The following FGFR3 variants were observed in gnomAD, a reference collection of about 807,000 sequenced individuals.
The protein encoded by FGFR3 is fibroblast growth factor receptor 3.
FGFR3 carries 25 observed loss-of-function variants against 82.9 expected under a neutral mutation model. The ratio of observed to expected loss-of-function variants is 0.30; its 90% CI spans 0.22 to 0.42. The LOEUF is 0.42. FGFR3 is among the 10% of genes least tolerant of loss of function. The probability of loss-of-function intolerance (pLI) is 1.00; values close to 1 mark genes in which losing one functional copy is unlikely to be tolerated. For synonymous variants in FGFR3, 620 were observed against 516.0 expected (o/e 1.20, Z -2.73); for missense variants, 1,026 against 1,161.0 (o/e 0.88, Z 1.69).
chr4:1,806,012 G>C (rs549227679), intron 13 of FGFR3, 39 bp from the exon 14 acceptor site: 6 of 1,612,736 alleles, frequency 3.7e-6, no homozygotes, highest in African/African-American at 1.3e-5. Flanking sequence ...GCGGGGAGAG[G>C]TGGAGAGGCT....
chr4:1,800,328 G>T (rs192965813), intron 4 of FGFR3, among the ~76,000 whole-genome samples: 1 of 151,982 alleles, frequency 6.6e-6, no homozygotes, highest in Non-Finnish European at 1.5e-5. Flanking sequence ...GGCCTGGAAC[G>T]GTGGCAGGTG....
At chr4:1,800,173 G>A (rs1004702909) in intron 4 of FGFR3, among the ~76,000 whole-genome samples, 1 of 152,090 alleles carries the variant, frequency 6.6e-6, no homozygotes, top group Non-Finnish European at 1.5e-5. Flanking sequence ...GGGCACTCAG[G>A]TGGCTGCCGT....
At chr4:1,801,319 C>T (rs1721141852) in intron 4 of FGFR3, 48 bp from the exon 5 acceptor site, 1 of 1,536,866 alleles carries the variant, frequency 6.5e-7, no homozygotes. Flanking sequence ...TCAGAGGGGC[C>T]TCTGCTCCCA....
intron 7 of FGFR3, 36 bp downstream of exon 7, chr4:1,802,061 G>C: frequency 6.3e-7 from 1 of 1,591,970 alleles, no homozygotes; most frequent in Non-Finnish European, 8.6e-7. Flanking sequence ...CCGCCGCTGG[G>C]GCTCCTGGGC....
At chr4:1,803,545 C>T (rs560194143) in intron 7 of FGFR3, 147 bp from the exon 8 acceptor site, 32 of 1,386,116 alleles carry the variant, frequency 2.3e-5, no homozygotes, top group Middle Eastern at 5.1e-4. Flanking sequence ...GGCCCTCAGC[C>T]GCGTGGCGGT....
rs753213058 is a variant in FGFR3, at chr4:1,803,745, C to A, written c.984C>A (p.Asn328Lys). The A allele has an allele frequency of 6.2e-7, 1 of 1,614,084 alleles. No homozygotes were observed. Among genetic ancestry groups the A allele is most frequent in the Admixed American group, 1.7e-5 (1 of 60,026 alleles). ...AGCTAGAGGTTCTCTCCTTGCACAA[C>A]GTCACCTTTGAGGACGCCGGGGAGT... ...DKELEVLSLH[N>K]VTFEDAGEYT... The change falls in exon 8 of 18, where the codon AAC becomes AAA. Residue 328 changes from asparagine (N) to lysine (K), a missense_variant. Asn to Lys is a moderately conservative substitution (Grantham distance 94). Around this residue, in one of 9 missense-constraint regions of FGFR3, gnomAD observed 256 missense variants for 217.6 expected, o/e 1.18. Coordinates refer to ENST00000440486, the MANE Select transcript of FGFR3 (RefSeq NM_000142.5).
chr4:1,803,681 T>C lies in FGFR3; in HGVS notation c.931-11T>C. Reference sequence around the variant, plus strand: ...CTGGCGCTCGCCTATCGCTCTGCTCTCTCTTTGTAGACGGCGGGCGCTAAC... The same window carrying C: ...CTGGCGCTCGCCTATCGCTCTGCTCCCTCTTTGTAGACGGCGGGCGCTAAC... On this transcript the variant is annotated splice_polypyrimidine_tract_variant and intron_variant, in intron 7 of 17. Coordinates refer to ENST00000440486, the MANE Select transcript of FGFR3 (RefSeq NM_000142.5). 2.5e-6 allele frequency: 4 copies of C among 1,613,290 alleles called. No homozygotes were observed. The highest frequency in any genetic ancestry group is 3.4e-6 in the Non-Finnish European group (4 of 1,179,884).
intron 2 of FGFR3, among the ~76,000 whole-genome samples, chr4:1,795,859 G>T (rs1720448543): frequency 6.6e-6 from 1 of 152,206 alleles, no homozygotes; most frequent in Non-Finnish European, 1.5e-5. Context: ...CTCCTCCTCT[G>T]CAGGGCTGGA....
chr4:1,795,548 C>T (rs3135844), intron 2 of FGFR3, among the ~76,000 whole-genome samples: 3,702 of 152,250 alleles, frequency 0.024, 89 homozygotes, highest in African/African-American at 0.065. Flanking sequence ...AATACAAAGA[C>T]CTCGTGAAAT....
rs531125917 is a variant in FGFR3 at position 1,798,051 on chromosome 4, C to G, written c.110-1203C>G. On this transcript the variant is annotated intron_variant, in intron 2 of 17. Coordinates refer to ENST00000440486, the MANE Select transcript of FGFR3 (RefSeq NM_000142.5). ...CCGTCCCGGCCCCAAGCCCGGGACG[C>G]CTGCCTGCATGCATTGTCTGGCCCT... Among the ~76,000 whole-genome samples, 597 of 152,236 alleles carry G rather than the reference C, an allele frequency of 3.9e-3. 2 individuals carry two copies. Among genetic ancestry groups the G allele is most frequent in the Middle Eastern group, 0.014 (4 of 294 alleles).
At chr4:1,798,374 C>T (rs1301738910) in intron 2 of FGFR3, among the ~76,000 whole-genome samples, 1 of 152,108 alleles carries the variant, frequency 6.6e-6, no homozygotes, top group African/African-American at 2.4e-5. Context: ...CCTTGAGGGC[C>T]CGCCTGGGCC....
At chr4:1,797,058 C>T (rs932957226) in intron 2 of FGFR3, among the ~76,000 whole-genome samples, 4 of 152,084 alleles carry the variant, frequency 2.6e-5, no homozygotes, top group African/African-American at 4.8e-5. Flanking sequence ...AGGTGGGACG[C>T]GTTGCCTCCT....
Position 1,805,435 on chromosome 4 carries a change from G to A in FGFR3, c.1493G>A (p.Arg498Gln), listed in dbSNP as rs1184790681. 13 of 1,611,780 alleles carry A rather than the reference G, an allele frequency of 8.1e-6. No individual in the cohort carries two copies. Among genetic ancestry groups the A allele is most frequent in the East Asian group, 2.2e-5 (1 of 44,876 alleles). Residue 498 changes from arginine (R) to glutamine (Q), a missense_variant, in exon 11 of 18, where the codon CGG (arginine) becomes CAG (glutamine). By Grantham distance (43) the Arg-to-Gln change is conservative. Around this residue, in one of 9 missense-constraint regions of FGFR3, gnomAD observed 164 missense variants for 167.5 expected, o/e 0.98. Transcript: ENST00000440486. ...GAGGCCATCGGCATTGACAAGGACC[G>A]GGCCGCCAAGCCTGTCACCGTAGCC... ...MAEAIGIDKD[R>Q]AAKPVTVAVK...
rs1356241084 is a variant in FGFR3 at position 1,793,333 on chromosome 4, G to C, written c.-235G>C. ...CGGCGTCGCGGGCAGCTGGCGCCGC[G>C]CGGTCCTGCTCTGCCGGTCGCACGG... On this transcript the variant is annotated 5_prime_UTR_variant, in exon 1 of 18. Transcript: ENST00000440486. 1 of 147,574 alleles carries C rather than the reference G, an allele frequency of 6.8e-6. No homozygotes were observed. The highest frequency in any genetic ancestry group is 1.5e-5 in the Non-Finnish European group (1 of 66,382). The allele number at this position is 147,574 out of a possible 1,614,324, so 9.1% of individuals were successfully genotyped here.
rs1476525477 is a variant in FGFR3 at position 1,806,875 on chromosome 4, C to T, written c.2215C>T (p.Pro739Ser). The change falls in exon 17 of 18, where the codon CCC becomes TCC. Residue 739 changes from proline to serine, a missense_variant. Pro to Ser is a moderately conservative substitution (Grantham distance 74). Coordinates refer to ENST00000440486, the MANE Select transcript of FGFR3 (RefSeq NM_000142.5). ...ECWHAAPSQR[P>S]TFKQLVEDLD... Reference sequence around the variant, plus strand: ...CTGGCATGCCGCGCCCTCCCAGAGGCCCACCTTCAAGCAGCTGGTGGAGGA... The same window carrying T: ...CTGGCATGCCGCGCCCTCCCAGAGGTCCACCTTCAAGCAGCTGGTGGAGGA... 1 of 1,611,724 alleles carries T rather than the reference C, an allele frequency of 6.2e-7. No individual in the cohort carries two copies. The highest frequency in any genetic ancestry group is 1.1e-5 in the South Asian group (1 of 90,870).
At chr4:1,799,992 C>T (rs1004183666) in intron 4 of FGFR3, among the ~76,000 whole-genome samples, 180 bp downstream of exon 4, 1 of 152,134 alleles carries the variant, frequency 6.6e-6, no homozygotes. Flanking sequence ...CTCTAGATGC[C>T]CCACCCTGGT....
chr4:1,805,629 C>T lies in FGFR3; in HGVS notation c.1605C>T (p.His535=), dbSNP rs1451005904. 1 of 1,613,220 alleles carries T rather than the reference C, an allele frequency of 6.2e-7. No individual in the cohort carries two copies. The highest frequency in any genetic ancestry group is 8.5e-7 in the Non-Finnish European group (1 of 1,179,806). The change falls in exon 12 of 18, where the codon CAC becomes CAT. Residue 535 remains histidine (H), a synonymous_variant. Coordinates refer to ENST00000440486, the MANE Select transcript of FGFR3 (RefSeq NM_000142.5). The stretch of plus-strand genomic sequence containing the variant: ...AGATGATGAAGATGATCGGGAAACA[C>T]AAAAACATCATCAACCTGCTGGGCG... ...EMEMMKMIGK[H]KNIINLLGAC...
intron 7 of FGFR3, among the ~76,000 whole-genome samples, chr4:1,802,304 C>T (rs967130750): frequency 2.0e-5 from 3 of 152,160 alleles, no homozygotes; most frequent in African/African-American, 7.2e-5. Context: ...GTGGGTGCGG[C>T]TTGGGCAGCA....
chr4:1,801,507 C>T lies in FGFR3; in HGVS notation c.586C>T (p.Arg196Cys), dbSNP rs866246581. The change falls in exon 5 of 18, where the codon CGC becomes TGC. Residue 196 changes from arginine (R) to cysteine (C), a missense_variant. Coordinates refer to ENST00000440486, the MANE Select transcript of FGFR3 (RefSeq NM_000142.5). Reference protein sequence around the residue: ...ISWLKNGREFRGEHRIGGIKL... With the variant: ...ISWLKNGREFCGEHRIGGIKL... ...CTGGCTGAAGAACGGCAGGGAGTTC[C>T]GCGGCGAGCACCGCATTGGAGGCAT... 1.3e-6 allele frequency: 2 copies of T among 1,562,518 alleles called. No homozygotes were observed. The highest frequency in any genetic ancestry group is 1.7e-6 in the Non-Finnish European group (2 of 1,154,164).
Sources: allele counts gnomAD v4.1 joint callset (sites outside exome capture counted in the v4.1 genomes callset), GRCh38; gene constraint gnomAD v4.1.1; regional missense constraint gnomAD v4.1.1; transcripts MANE v1.5; gene names NCBI Gene and HGNC (gene_info 2026-07-23, HGNC 2026-07-21).